Variants in RABIF observed in about 807,000 individuals in gnomAD.
The protein encoded by RABIF is guanine nucleotide exchange factor MSS4.
In RABIF, 13 loss-of-function variants were observed where a neutral mutation model predicts 12.3. That is an observed-to-expected ratio of 1.06 (90% CI 0.69 to 1.68). RABIF has a LOEUF of 1.68. RABIF is among the 40% of genes most tolerant of loss of function. The pLI, the probability that RABIF is intolerant of heterozygous loss-of-function variation, is 0.00. For missense variants in RABIF, 153 were observed against 158.0 expected, an observed-to-expected ratio of 0.97 and a Z score of 0.17; for synonymous variants, 70 against 63.3, an observed-to-expected ratio of 1.11 and a Z score of -0.50.
At position 202,889,078 on chromosome 1, in the gene RABIF, C is replaced by A. The variant is rs576258640; in HGVS notation, c.21G>T (p.Pro7=). The change falls in exon 1 of 2, where the codon CCG becomes CCT. Residue 7 remains proline, a synonymous_variant. Transcript: ENST00000367262. ...GGCCCTCGGCTGACACTAACTCGCT[C>A]GGCTGCTCCGCTGGTTCCATCGCCG... MEPAEQ[P]SELVSAEGRN... The A allele has an allele frequency of 6.2e-7, 1 of 1,608,968 alleles. No individual in the cohort carries two copies. Among genetic ancestry groups the A allele is most frequent in the Admixed American group, 1.7e-5 (1 of 59,446 alleles).
Position 202,889,033 on chromosome 1 carries a change from C to T in RABIF, c.66G>A (p.Leu22=). Residue 22 remains leucine (L), a synonymous_variant, in exon 1 of 2, where the codon CTG becomes CTA. Coordinates refer to ENST00000367262, the MANE Select transcript of RABIF (RefSeq NM_002871.5). ...GCACCCGGGAGCCGCAACGCTGGCA[C>T]AGCACCGCCTTCCGGTTTCGGCCCT... ...SAEGRNRKAV[L]CQRCGSRVLQ... is the part of the protein sequence containing the mutation. The T allele has an allele frequency of 1.2e-6, 2 of 1,609,154 alleles. No homozygotes were observed. The highest frequency in any genetic ancestry group is 1.1e-5 in the South Asian group (1 of 90,200).
intron 1 of RABIF, among the ~76,000 whole-genome samples, chr1:202,883,094 G>A (rs560568111): frequency 1.2e-4 from 18 of 152,240 alleles, no homozygotes; most frequent in Admixed American, 9.8e-4. Context: ...AGCTGTCCCA[G>A]ACTACCGCAA....
chr1:202,887,061 T>C (rs545505569), intron 1 of RABIF, among the ~76,000 whole-genome samples: 103 of 149,392 alleles, frequency 6.9e-4, no homozygotes, highest in Non-Finnish European at 1.4e-3. Context: ...GAAAAAACAA[T>C]TAAGAATTTT....
chr1:202,888,895 GCCGGGGTT>G (rs752100473), intron 1 of RABIF, 70 bp downstream of exon 1: 181 of 1,433,242 alleles, frequency 1.3e-4, no homozygotes, highest in Non-Finnish European at 1.6e-4. Context: ...AAATTGAAGA[GCCGGGGTT>G]CAGATTCTGA....
chr1:202,884,067 G>A (rs1051039710), intron 1 of RABIF, among the ~76,000 whole-genome samples: 3 of 152,120 alleles, frequency 2.0e-5, no homozygotes, highest in Admixed American at 6.5e-5. Flanking sequence ...AACTTGGTGC[G>A]AAGTTGCCAG....
chr1:202,880,021 T>G lies in RABIF; in HGVS notation c.*957A>C, dbSNP rs1659464697. 1 of 152,154 alleles carries G rather than the reference T, an allele frequency of 6.6e-6. No homozygotes were observed. Among genetic ancestry groups the G allele is most frequent in the Non-Finnish European group, 1.5e-5 (1 of 68,016 alleles). The allele number at this position is 152,154 out of a possible 1,614,324, so 9.4% of individuals were successfully genotyped here. A position where few individuals can be genotyped will look rare whatever the true frequency, so the allele number is the denominator to read the frequency against. ...TTTGTATCCTGGGTTGGCACAGAGA[T>G]TCCAGTTGAACCAAAACTCCATGAG... On this transcript the variant is annotated 3_prime_UTR_variant, in exon 2 of 2. Coordinates refer to ENST00000367262, the MANE Select transcript of RABIF (RefSeq NM_002871.5).
rs2102395212 is a variant in RABIF at position 202,880,952 on chromosome 1, A to G, written c.*26T>C. The G allele has an allele frequency of 1.2e-6, 2 of 1,609,768 alleles. No homozygotes were observed. Among genetic ancestry groups the G allele is most frequent in the Non-Finnish European group, 1.7e-6 (2 of 1,176,594 alleles). On this transcript the variant is annotated 3_prime_UTR_variant, in exon 2 of 2. Transcript: ENST00000367262. ...GTGGGGAGTAGGTTTATCTTTGGAG[A>G]TGGAGCTGAGTACCCCTCCCCTCAG...
chr1:202,883,243 G>A (rs1659517525), intron 1 of RABIF, among the ~76,000 whole-genome samples: 1 of 152,022 alleles, frequency 6.6e-6, no homozygotes, highest in South Asian at 2.1e-4. Context: ...CATTGCCCAG[G>A]CTGGGTTTGA....
chr1:202,880,570 G>T lies in RABIF; in HGVS notation c.*408C>A. On this transcript the variant is annotated 3_prime_UTR_variant, in exon 2 of 2. Transcript: ENST00000367262. ...GTATGCCTTCTTGAATGAGAAAAAG[G>T]CAGATTTCAACTATTAGTACATAAG... The T allele has an allele frequency of 2.0e-6, 1 of 495,014 alleles. No individual in the cohort carries two copies. Among genetic ancestry groups the T allele is most frequent in the Non-Finnish European group, 2.6e-6 (1 of 380,420 alleles). The allele number at this position is 495,014 out of a possible 1,614,324, so 30.7% of individuals were successfully genotyped here.
chr1:202,881,229 G>A lies in RABIF; in HGVS notation c.127-6C>T, dbSNP rs200422027. On this transcript the variant is annotated splice_region_variant and splice_polypyrimidine_tract_variant and intron_variant, in intron 1 of 1. Transcript: ENST00000367262. ...CTCATGGAGGGAAGGAAAAGCTGCA[G>A]TGGGAAAGAACATAAAGAACGCAGA... 1.4e-5 allele frequency: 23 copies of A among 1,610,026 alleles called. No individual in the cohort carries two copies. The highest frequency in any genetic ancestry group is 1.9e-5 in the Non-Finnish European group (22 of 1,177,412).
At chr1:202,881,782 T>C (rs1659495461) in intron 1 of RABIF, among the ~76,000 whole-genome samples, 1 of 152,166 alleles carries the variant, frequency 6.6e-6, no homozygotes, top group African/African-American at 2.4e-5. Context: ...CCCCACATGG[T>C]CCTAGTTTCC....
At position 202,888,912 on chromosome 1, in the gene RABIF, G is replaced by A. The variant is rs915504298; in HGVS notation, c.126+61C>T. On this transcript the variant is annotated intron_variant, in intron 1 of 1. Transcript: ENST00000367262. ...ATTGAAGAGCCGGGGTTCAGATTCT[G>A]ACTGCGGCGGCTCGTCGGGGGAGAC... The A allele has an allele frequency of 2.7e-6, 4 of 1,460,234 alleles. No individual in the cohort carries two copies. In the African/African-American group the frequency reaches 5.8e-5, roughly 21 times the overall value. The allele number at this position is 1,460,234 out of a possible 1,614,324, so 90.5% of individuals were successfully genotyped here.
In RABIF at chr1:202,878,992, C is replaced by A. The variant is rs572853389; in HGVS notation, c.*1986G>T. 1.3e-5 allele frequency: 2 copies of A among 152,160 alleles called. No homozygotes were observed. Among genetic ancestry groups the A allele is most frequent in the South Asian group, 4.1e-4 (2 of 4,820 alleles). The allele number at this position is 152,160 out of a possible 1,614,324, so 9.4% of individuals were successfully genotyped here. On this transcript the variant is annotated 3_prime_UTR_variant, in exon 2 of 2. Coordinates refer to ENST00000367262, the MANE Select transcript of RABIF (RefSeq NM_002871.5). ...TTAAATGCCTTTATTTCTTTCAGAT[C>A]AAACTGAAAAGGCAGAATAGCAACC... is the stretch of plus-strand genomic sequence containing the variant.
chr1:202,881,355 G>C (rs1440310990), intron 1 of RABIF, 132 bp from the exon 2 acceptor site: 1 of 1,320,540 alleles, frequency 7.6e-7, no homozygotes, highest in Non-Finnish European at 1.0e-6. Context: ...TCATTAAGCT[G>C]TAGACGATGA....
chr1:202,888,981 G>C lies in RABIF; in HGVS notation c.118C>G (p.Arg40Gly), dbSNP rs1659608972. ...CCAACCTGCCTCCCTACCTGTCGGC[G>C]AGAGAAGAGAGCGGTCCCTGGCTGC... is the stretch of plus-strand genomic sequence containing the variant. Reference protein sequence around the residue: ...VLQPGTALFSRRQLFLPSMRK... With the variant: ...VLQPGTALFSGRQLFLPSMRK... Residue 40 changes from arginine to glycine, a missense_variant, in exon 1 of 2, where the codon CGC becomes GGC. Physicochemically the swap from Arg to Gly is moderately radical, Grantham distance 125 (BLOSUM62 -2). Transcript: ENST00000367262. 6.4e-7 allele frequency: 1 copy of C among 1,569,842 alleles called. No homozygotes were observed. The highest frequency in any genetic ancestry group is 1.2e-5 in the South Asian group (1 of 86,162).
intron 1 of RABIF, among the ~76,000 whole-genome samples, chr1:202,883,747 CTTTGA>C (rs1420456557): frequency 1.3e-5 from 2 of 152,166 alleles, no homozygotes; most frequent in Non-Finnish European, 2.9e-5. Flanking sequence ...GTTGTCTCTC[CTTTGA>C]TTTGTGATTT....
chr1:202,887,081 T>C (rs1659575405), intron 1 of RABIF, among the ~76,000 whole-genome samples: 1 of 150,378 alleles, frequency 6.6e-6, no homozygotes, highest in African/African-American at 2.4e-5. Context: ...TAAAACAAAC[T>C]ATAAACTCCA....
At position 202,881,161 on chromosome 1, in the gene RABIF, A is replaced by G. The variant is rs752725050; in HGVS notation, c.189T>C (p.Asp63=). 2.5e-6 allele frequency: 4 copies of G among 1,614,026 alleles called. No individual in the cohort carries two copies. Among genetic ancestry groups the G allele is most frequent in the Non-Finnish European group, 3.4e-6 (4 of 1,180,040 alleles). ...ALSDGSNPDG[D]LLQEHWLVED... ...CAACCAGCCAGTGTTCCTGGAGGAG[A>G]TCGCCGTCAGGATTGCTGCCGTCAG... is the stretch of plus-strand genomic sequence containing the variant. The change falls in exon 2 of 2, where the codon GAT becomes GAC. Residue 63 remains aspartate, a synonymous_variant. Coordinates refer to ENST00000367262, the MANE Select transcript of RABIF (RefSeq NM_002871.5).
At chr1:202,881,689 G>C (rs905907993) in intron 1 of RABIF, among the ~76,000 whole-genome samples, 4 of 152,238 alleles carry the variant, frequency 2.6e-5, no homozygotes, top group African/African-American at 9.6e-5. Context: ...TTATAGGCGT[G>C]AGCCTGATTC....
Sources: gnomAD v4.1 joint callset for allele counts (sites outside exome capture counted in the v4.1 genomes callset) on GRCh38, gnomAD v4.1.1 for gene constraint, MANE v1.5 for transcripts, NCBI Gene and HGNC (gene_info 2026-07-23, HGNC 2026-07-21) for gene names.